Variants in HSD11B1 observed in about 807,000 individuals in gnomAD.
The protein encoded by HSD11B1 is hydroxysteroid 11-beta dehydrogenase 1.
In HSD11B1, 15 loss-of-function variants were observed where a neutral mutation model predicts 22.1. The observed-to-expected ratio is 0.68, with a 90% confidence interval of 0.45 to 1.04. HSD11B1 has a LOEUF of 1.04. HSD11B1 is among the 50% of genes least tolerant of loss of function. HSD11B1 has a pLI of 0.00. For missense variants in HSD11B1, 281 were observed against 357.6 expected, an observed-to-expected ratio of 0.79 and a Z score of 1.73; for synonymous variants, 122 against 125.2, an observed-to-expected ratio of 0.97 and a Z score of 0.17.
chr1:209,707,960 T>A (rs904472776), intron 4 of HSD11B1, among the ~76,000 whole-genome samples: 4 of 149,930 alleles, frequency 2.7e-5, no homozygotes, highest in African/African-American at 9.8e-5. Context: ...CTGCCTATAG[T>A]GGGTGTATTC....
intron 1 of HSD11B1, among the ~76,000 whole-genome samples, chr1:209,694,209 C>T (rs914220197): frequency 3.3e-5 from 5 of 152,182 alleles, no homozygotes; most frequent in African/African-American, 1.2e-4. Context: ...TTCCAAATAC[C>T]TACCAGACAT....
Position 209,706,941 on chromosome 1 carries a change from A to C in HSD11B1, c.332-2A>C. On this transcript the variant is annotated splice_acceptor_variant, in intron 3 of 5. Transcript: ENST00000367027. LOFTEE classifies it high-confidence loss of function. The surrounding 1 kb of genome is among the most constrained non-coding windows in gnomAD (Gnocchi z 4.0). ...ATTTCTTAATATAGCCATCTCTTGC[A>C]GGAGGACTAGACATGCTCATTCTCA... The C allele has an allele frequency of 6.2e-7, 1 of 1,613,752 alleles. No individual in the cohort carries two copies. Among genetic ancestry groups the C allele is most frequent in the African/African-American group, 1.3e-5 (1 of 75,024 alleles).
rs772601090 is a variant in HSD11B1 at position 209,705,952 on chromosome 1, T to C, written c.219+11T>C. 3 of 1,613,712 alleles carry C rather than the reference T, an allele frequency of 1.9e-6. No homozygotes were observed. Among genetic ancestry groups the C allele is most frequent in the Non-Finnish European group, 8.5e-7 (1 of 1,179,698 alleles). ...GAAACTCTACAGAAGGTGAGGGTTC[T>C]ATGCTCGCAGATATGTGTACCGTCA... On this transcript the variant is annotated intron_variant, in intron 2 of 5. Coordinates refer to ENST00000367027, the MANE Select transcript of HSD11B1 (RefSeq NM_005525.4).
At chr1:209,704,151 A>G (rs1399221238), upstream of HSD11B1, among the ~76,000 whole-genome samples, 2 of 152,168 alleles carry the variant, frequency 1.3e-5, no homozygotes, top group African/African-American at 4.8e-5. Flanking sequence ...TACAAGACCC[A>G]GTTTAATAGT....
At chr1:209,710,092 G>A (rs1191261055) in intron 4 of HSD11B1, among the ~76,000 whole-genome samples, 1 of 152,052 alleles carries the variant, frequency 6.6e-6, no homozygotes, top group Admixed American at 6.5e-5. Context: ...TACCTAAATA[G>A]CATTTGTGAA....
intron 4 of HSD11B1, among the ~76,000 whole-genome samples, chr1:209,714,623 GA>G (rs2076919001): frequency 6.6e-6 from 1 of 152,084 alleles, no homozygotes; most frequent in Non-Finnish European, 1.5e-5. Context: ...TCTTAATAAG[GA>G]TACTATTGGC....
At chr1:209,697,120 A>G (rs2076795818) in intron 1 of HSD11B1, among the ~76,000 whole-genome samples, 1 of 152,188 alleles carries the variant, frequency 6.6e-6, no homozygotes. Flanking sequence ...GCCCTCAAAG[A>G]TGTGCCTCTG....
intron 1 of HSD11B1, among the ~76,000 whole-genome samples, chr1:209,687,969 T>C (rs1014265590): frequency 6.6e-6 from 1 of 152,242 alleles, no homozygotes; most frequent in Non-Finnish European, 1.5e-5. Flanking sequence ...CTCATTTCTT[T>C]ATGTAATCTT....
chr1:209,706,754 A>G lies in HSD11B1; in HGVS notation c.265A>G (p.Ile89Val), dbSNP rs761827471. The G allele has an allele frequency of 1.9e-6, 3 of 1,613,868 alleles. No homozygotes were observed. Among genetic ancestry groups the G allele is most frequent in the African/African-American group, 1.3e-5 (1 of 74,886 alleles). Residue 89 changes from isoleucine to valine, a missense_variant, in exon 3 of 6, where the codon ATT (isoleucine) becomes GTT (valine). By Grantham distance (29) the Ile-to-Val change is conservative. Coordinates refer to ENST00000367027, the MANE Select transcript of HSD11B1 (RefSeq NM_005525.4). The surrounding 1 kb of genome is among the most constrained non-coding windows in gnomAD (Gnocchi z 4.0). Reference sequence around the variant, plus strand: ...GCTTGGAGCAGCCTCAGCACACTACATTGCTGGCACCATGGAAGACATGAC... The same window carrying G: ...GCTTGGAGCAGCCTCAGCACACTACGTTGCTGGCACCATGGAAGACATGAC... The part of the protein sequence containing the change: ...LELGAASAHY[I>V]AGTMEDMTFA...
intron 4 of HSD11B1, among the ~76,000 whole-genome samples, chr1:209,723,060 G>C (rs2076976891): frequency 6.6e-6 from 1 of 152,178 alleles, no homozygotes; most frequent in Admixed American, 6.5e-5. Flanking sequence ...TTCTGGGACA[G>C]AGCTAATTAC....
chr1:209,732,706 G>A (rs1005515893), intron 5 of HSD11B1, 127 bp downstream of exon 5: 47 of 789,676 alleles, frequency 6.0e-5, no homozygotes, highest in Middle Eastern at 6.7e-4. Context: ...CCATTAACTC[G>A]TCACTTACAT....
intron 1 of HSD11B1, among the ~76,000 whole-genome samples, chr1:209,693,261 A>G (rs1372075137): frequency 6.6e-6 from 1 of 152,222 alleles, no homozygotes; most frequent in East Asian, 1.9e-4. Context: ...TTCTTGCCTT[A>G]AATTTGTGAA....
At chr1:209,717,993 G>C (rs530282689) in intron 4 of HSD11B1, among the ~76,000 whole-genome samples, 1 of 151,572 alleles carries the variant, frequency 6.6e-6, no homozygotes, top group African/African-American at 2.4e-5. Context: ...GTCAGACACA[G>C]AAAAACAAAC....
chr1:209,733,203 C>T (rs1571889981), intron 5 of HSD11B1, among the ~76,000 whole-genome samples: 1 of 152,202 alleles, frequency 6.6e-6, no homozygotes, highest in South Asian at 2.1e-4. Context: ...TAATAAGACA[C>T]ACTGGTATCA....
At chr1:209,714,024 C>G (rs2236904) in intron 4 of HSD11B1, among the ~76,000 whole-genome samples, 29,749 of 151,928 alleles carry the variant, frequency 0.2, 6,671 homozygotes, top group African/African-American at 0.52. Context: ...CCCAAATATA[C>G]TCATTCATTC....
intron 4 of HSD11B1, among the ~76,000 whole-genome samples, chr1:209,731,087 C>T (rs1013184779): frequency 2.6e-5 from 4 of 152,142 alleles, no homozygotes; most frequent in African/African-American, 4.8e-5. Context: ...TTGGGGTTAC[C>T]GTAATAGCTG....
intron 4 of HSD11B1, among the ~76,000 whole-genome samples, chr1:209,708,465 T>G (rs1254882305): frequency 1.3e-5 from 2 of 152,092 alleles, no homozygotes; most frequent in African/African-American, 4.8e-5. Context: ...CGCCAAACAG[T>G]GTGATTGATA....
chr1:209,708,122 C>A (rs2076872153), intron 4 of HSD11B1, among the ~76,000 whole-genome samples: 1 of 152,122 alleles, frequency 6.6e-6, no homozygotes, highest in African/African-American at 2.4e-5. Context: ...CAGAAGCCAT[C>A]ACCAGTAAAA....
chr1:209,723,046 G>A (rs532774952), intron 4 of HSD11B1, among the ~76,000 whole-genome samples: 14 of 152,178 alleles, frequency 9.2e-5, no homozygotes, highest in Admixed American at 2.6e-4. Context: ...CTGAGTCCCC[G>A]CATTTCTGGG....
Sources: gnomAD v4.1 joint callset for allele counts (sites outside exome capture counted in the v4.1 genomes callset) on GRCh38, gnomAD v4.1.1 for gene constraint, Gnocchi (gnomAD v3.1) non-coding constraint, MANE v1.5 for transcripts, NCBI Gene and HGNC (gene_info 2026-07-23, HGNC 2026-07-21) for gene names.